CLSTN3: variants seen among roughly 807,000 people sequenced by gnomAD.
The protein encoded by CLSTN3 is calsyntenin 3, also known as calsyntenin-3.
CLSTN3 carries 36 observed loss-of-function variants against 95.9 expected under a neutral mutation model. The ratio of observed to expected loss-of-function variants is 0.38; its 90% CI spans 0.29 to 0.50. The LOEUF is 0.50. CLSTN3 is among the 20% of genes least tolerant of loss of function. The probability of loss-of-function intolerance (pLI) is 0.95; values close to 1 mark genes in which losing one functional copy is unlikely to be tolerated. For synonymous variants in CLSTN3, 481 were observed against 504.0 expected (o/e 0.95, Z 0.61); for missense variants, 1,084 against 1,268.8 (o/e 0.85, Z 2.21).
Position 7,149,750 on chromosome 12 carries a change from G to A in CLSTN3, c.2245+57G>A. ...TGTGTGTGCCCCTCCCAAAAAGTAA[G>A]GGCCTAGGAAGCCCAGAGGGTCCTC... is the stretch of plus-strand genomic sequence containing the variant. On this transcript the variant is annotated intron_variant, in intron 14 of 17. Transcript: ENST00000266546. The surrounding 1 kb of genome is among the most constrained non-coding windows in gnomAD (Gnocchi z 4.5). The A allele has an allele frequency of 6.5e-7, 1 of 1,529,068 alleles. No homozygotes were observed. Among genetic ancestry groups the A allele is most frequent in the East Asian group, 2.3e-5 (1 of 43,880 alleles). The allele number at this position is 1,529,068 out of a possible 1,614,324, so 94.7% of individuals were successfully genotyped here.
chr12:7,130,317 AGTC>A, upstream of CLSTN3: 1 of 424,178 alleles, frequency 2.4e-6, no homozygotes, highest in Non-Finnish European at 3.1e-6. Flanking sequence ...CCCCCCTCCC[AGTC>A]ACCTGATTGG....
At position 7,150,695 on chromosome 12, in the gene CLSTN3, C is replaced by G. The variant is rs2135814351; in HGVS notation, c.2391+6C>G. ...GCAATGAATTCATCGTGGAGGTACC[C>G]AGAGAGTCTCCTTCCTTCCACAGTT... On this transcript the variant is annotated splice_donor_region_variant and intron_variant, in intron 15 of 17. Coordinates refer to ENST00000266546, the MANE Select transcript of CLSTN3 (RefSeq NM_014718.4). This position sits in a 1 kb window ranked among gnomAD's most constrained non-coding sequence, Gnocchi z 4.0. 1.9e-6 allele frequency: 3 copies of G among 1,612,416 alleles called. No individual in the cohort carries two copies. Among genetic ancestry groups the G allele is most frequent in the Non-Finnish European group, 2.5e-6 (3 of 1,178,542 alleles).
In CLSTN3 at chr12:7,157,700, C is replaced by G; in HGVS notation, c.2730+9C>G. ...TTGTGAACCCCATGGAGGTGAGAGG[C>G]CTGGGGAAGCGGGGTTCTGTAGGGT... On this transcript the variant is annotated intron_variant, in intron 17 of 17. Transcript: ENST00000266546. The surrounding 1 kb of genome is among the most constrained non-coding windows in gnomAD (Gnocchi z 5.9). 2 of 1,563,458 alleles carry G rather than the reference C, an allele frequency of 1.3e-6. No homozygotes were observed. Among genetic ancestry groups the G allele is most frequent in the Non-Finnish European group, 8.7e-7 (1 of 1,153,142 alleles).
chr12:7,130,781 A>G, intron 1 of CLSTN3, 69 bp downstream of exon 1: 1 of 1,401,442 alleles, frequency 7.1e-7, no homozygotes, highest in South Asian at 1.2e-5. Flanking sequence ...TGGGGGTGGG[A>G]AGGAGGTGTC....
upstream of CLSTN3, chr12:7,129,872 C>T (rs928949785): frequency 1.1e-6 from 1 of 946,674 alleles, no homozygotes; most frequent in Non-Finnish European, 1.3e-6. The surrounding 1 kb of genome is among the most constrained non-coding windows in gnomAD (Gnocchi z 5.5). Flanking sequence ...TCCTTGGGTC[C>T]CAGAGCCTCG....
At chr12:7,129,857 G>T, upstream of CLSTN3, 1 of 971,594 alleles carries the variant, frequency 1.0e-6, no homozygotes, top group Non-Finnish European at 1.2e-6. The surrounding 1 kb of genome is among the most constrained non-coding windows in gnomAD (Gnocchi z 5.5). Flanking sequence ...ACGACGTCCT[G>T]CCCCTCCTTG....
In CLSTN3 at chr12:7,158,251, C is replaced by A; in HGVS notation, c.*170C>A. ...GCGGGCCCTCTGGAGTCCGCCCTGC[C>A]CCTCCCCCGGCCCCCCATCCCTCAC... On this transcript the variant is annotated 3_prime_UTR_variant, in exon 18 of 18. Transcript: ENST00000266546. 1.4e-6 allele frequency: 1 copy of A among 733,476 alleles called. No individual in the cohort carries two copies. The allele number at this position is 733,476 out of a possible 1,614,324, so 45.4% of individuals were successfully genotyped here.
chr12:7,157,164 C>T lies in CLSTN3; in HGVS notation c.2528-325C>T, dbSNP rs1380201159. Among the ~76,000 whole-genome samples, 1 of 152,206 alleles carries T rather than the reference C, an allele frequency of 6.6e-6. No homozygotes were observed. Among genetic ancestry groups the T allele is most frequent in the East Asian group, 1.9e-4 (1 of 5,190 alleles). ...AGGGGCAGATTCCAGTCCTTGCCCT[C>T]TGTCCTCTGCGAATAGGGCTGTTCA... On this transcript the variant is annotated intron_variant, in intron 16 of 17. Transcript: ENST00000266546. The surrounding 1 kb of genome is among the most constrained non-coding windows in gnomAD (Gnocchi z 5.9).
rs1157460906 is a variant in CLSTN3, at chr12:7,130,466, C to A, written c.-183C>A. On this transcript the variant is annotated 5_prime_UTR_variant, in exon 1 of 18. Transcript: ENST00000266546. ...CTGCAAGTCCACCGCCTCAGCTACC[C>A]AGATTGGGATCTGCCCAGGCCCGCT... 2 of 1,487,700 alleles carry A rather than the reference C, an allele frequency of 1.3e-6. No homozygotes were observed. The highest frequency in any genetic ancestry group is 8.9e-7 in the Non-Finnish European group (1 of 1,119,904). The allele number at this position is 1,487,700 out of a possible 1,614,324, so 92.2% of individuals were successfully genotyped here.
chr12:7,146,571 A>G (rs1227871092), intron 12 of CLSTN3, among the ~76,000 whole-genome samples: 1 of 152,104 alleles, frequency 6.6e-6, no homozygotes, highest in Admixed American at 6.5e-5. Context: ...CTCAGTTGCT[A>G]CTTTCTCTGA....
rs754622582 is a variant in CLSTN3 at position 7,136,246 on chromosome 12, C to G, written c.783C>G (p.Ser261Arg). The G allele has an allele frequency of 6.2e-7, 1 of 1,614,196 alleles. No individual in the cohort carries two copies. The highest frequency in any genetic ancestry group is 1.3e-5 in the African/African-American group (1 of 75,052). Residue 261 changes from serine to arginine, a missense_variant, in exon 6 of 18, where the codon AGC (serine) becomes AGG (arginine). Coordinates refer to ENST00000266546, the MANE Select transcript of CLSTN3 (RefSeq NM_014718.4). ...KRIEYAPGAG[S>R]LALFPGIRLE... ...TCGAATATGCACCAGGTGCTGGGAG[C>G]TTGGCTTTGTTCCCTGGTATCCGCC...
chr12:7,135,719 T>C, intron 4 of CLSTN3, 85 bp from the exon 5 acceptor site: 1 of 1,496,832 alleles, frequency 6.7e-7, no homozygotes, highest in Non-Finnish European at 9.1e-7. Context: ...ACCTGCCTGC[T>C]GCCCGATGAT....
rs1287186345 is a variant in CLSTN3, at chr12:7,157,808, G to C, written c.2730+117G>C. The C allele has an allele frequency of 6.7e-7, 1 of 1,490,082 alleles. No homozygotes were observed. The highest frequency in any genetic ancestry group is 2.0e-5 in the Admixed American group (1 of 49,902). The allele number at this position is 1,490,082 out of a possible 1,614,324, so 92.3% of individuals were successfully genotyped here. On this transcript the variant is annotated intron_variant, in intron 17 of 17. Coordinates refer to ENST00000266546, the MANE Select transcript of CLSTN3 (RefSeq NM_014718.4). This position sits in a 1 kb window ranked among gnomAD's most constrained non-coding sequence, Gnocchi z 5.9. ...GCTGTTCGCAGAGCTGCAGTGAGCC[G>C]GAGGGAGAGAGGTTCAGGCAGGGAA... is the stretch of plus-strand genomic sequence containing the variant.
chr12:7,131,684 G>A, intron 1 of CLSTN3: 2 of 439,566 alleles, frequency 4.5e-6, no homozygotes, highest in East Asian at 7.0e-5. Flanking sequence ...TGTGCAGAGG[G>A]CGCCCAGCCC....
Position 7,158,278 on chromosome 12 carries a change from T to C in CLSTN3, c.*197T>C. 1.7e-6 allele frequency: 1 copy of C among 593,446 alleles called. No individual in the cohort carries two copies. The highest frequency in any genetic ancestry group is 2.8e-6 in the Non-Finnish European group (1 of 352,624). The allele number at this position is 593,446 out of a possible 1,614,324, so 36.8% of individuals were successfully genotyped here. Reference sequence around the variant, plus strand: ...CTCCCCCGGCCCCCCATCCCTCACTTCTGGGCTGTCATGCTCCTGGTGTGC... The same window carrying C: ...CTCCCCCGGCCCCCCATCCCTCACTCCTGGGCTGTCATGCTCCTGGTGTGC... On this transcript the variant is annotated 3_prime_UTR_variant, in exon 18 of 18. Coordinates refer to ENST00000266546, the MANE Select transcript of CLSTN3 (RefSeq NM_014718.4).
rs144059185 is a variant in CLSTN3, at chr12:7,141,378, C to T, written c.1460C>T (p.Ala487Val). The T allele has an allele frequency of 8.7e-6, 14 of 1,614,088 alleles. No homozygotes were observed. In the African/African-American group the frequency reaches 1.7e-4, roughly 20 times the overall value. ...ATCCACCCACCCCGAAGGGAGCCTG[C>T]TCTCATGATTGGGGCCTGCTGGACT... ...GLIHPPRREP[A>V]LMIGACWTEE... Residue 487 changes from alanine (A) to valine (V), a missense_variant, in exon 9 of 18, where the codon GCT becomes GTT. Ala to Val is a moderately conservative substitution (Grantham distance 64). Coordinates refer to ENST00000266546, the MANE Select transcript of CLSTN3 (RefSeq NM_014718.4). The surrounding 1 kb of genome is among the most constrained non-coding windows in gnomAD (Gnocchi z 4.1).
rs1377979143 is a variant in CLSTN3 at position 7,158,146 on chromosome 12, G to A, written c.*65G>A. 2.1e-6 allele frequency: 3 copies of A among 1,440,860 alleles called. No homozygotes were observed. Among genetic ancestry groups the A allele is most frequent in the Non-Finnish European group, 2.8e-6 (3 of 1,088,860 alleles). 89.3% of individuals were successfully genotyped at this position (1,440,860 alleles called of 1,614,324 possible). The stretch of plus-strand genomic sequence containing the variant: ...TGGTGAAACAGACACTCCAGACATG[G>A]GAGAAGGACTTTCTGGGAACACAGA... On this transcript the variant is annotated 3_prime_UTR_variant, in exon 18 of 18. Coordinates refer to ENST00000266546, the MANE Select transcript of CLSTN3 (RefSeq NM_014718.4).
chr12:7,151,872 G>A lies in CLSTN3; in HGVS notation c.2527+809G>A, dbSNP rs1939729036. Among the ~76,000 whole-genome samples the A allele has an allele frequency of 3.3e-5, 5 of 152,126 alleles. No individual in the cohort carries two copies. In the South Asian group the frequency reaches 1.0e-3, roughly 31 times the overall value. ...GTTTGAGACCAGCCTGGGCAACACA[G>A]TGAGACTCTGTCTTTACAAAAAATA... On this transcript the variant is annotated intron_variant, in intron 16 of 17. Transcript: ENST00000266546.
At chr12:7,152,307 C>A (rs1259495164) in intron 16 of CLSTN3, among the ~76,000 whole-genome samples, 2 of 152,112 alleles carry the variant, frequency 1.3e-5, no homozygotes, top group African/African-American at 2.4e-5. Flanking sequence ...ATTTTTGGAA[C>A]CCCTTCTTAG....
Sources: gnomAD v4.1 joint callset for allele counts (sites outside exome capture counted in the v4.1 genomes callset) on GRCh38, gnomAD v4.1.1 for gene constraint, Gnocchi (gnomAD v3.1) non-coding constraint, MANE v1.5 for transcripts, NCBI Gene and HGNC (gene_info 2026-07-23, HGNC 2026-07-21) for gene names.